The following VIP variants were observed in gnomAD, a reference collection of about 807,000 sequenced individuals.
The protein encoded by VIP is vasoactive intestinal peptide.
Under a neutral mutation model 20.1 loss-of-function variants are expected in VIP, and 18 were observed. The observed-to-expected ratio is 0.90, with a 90% CI of 0.62 to 1.33. The LOEUF is 1.33. VIP is among the 40% of genes most tolerant of loss of function. The pLI is 0.00. For missense variants in VIP, 209 were observed against 199.4 expected, an observed-to-expected ratio of 1.05 and a Z score of -0.29; for synonymous variants, 70 against 68.1, an observed-to-expected ratio of 1.03 and a Z score of -0.14.
intron 5 of VIP, 124 bp from the exon 6 acceptor site, chr6:152,756,972 T>C (rs2099730518): frequency 7.6e-6 from 6 of 789,974 alleles, no homozygotes; most frequent in South Asian, 2.2e-5. Flanking sequence ...TCAAAGATAA[T>C]TGTTTAGCCT....
chr6:152,759,688 G>T lies in VIP; in HGVS notation c.*822G>T, dbSNP rs1318898735. 1 of 151,870 alleles carries T rather than the reference G, an allele frequency of 6.6e-6. No homozygotes were observed. Among genetic ancestry groups the T allele is most frequent in the Non-Finnish European group, 1.5e-5 (1 of 67,936 alleles). 9.4% of individuals were successfully genotyped at this position (151,870 alleles called of 1,614,324 possible). A position where few individuals can be genotyped will look rare whatever the true frequency, so the allele number is the denominator to read the frequency against. ...GCTTCCTTCTGTGAAAGTACATTTG[G>T]AGACACAACTATTTTTCCAAAATAA... is the stretch of plus-strand genomic sequence containing the variant. On this transcript the variant is annotated 3_prime_UTR_variant, in exon 7 of 7. Coordinates refer to ENST00000367244, the MANE Select transcript of VIP (RefSeq NM_003381.4).
intron 5 of VIP, 104 bp downstream of exon 5, chr6:152,756,369 T>C: frequency 2.3e-6 from 3 of 1,298,516 alleles, no homozygotes; most frequent in Non-Finnish European, 2.1e-6. Context: ...CTATACTACG[T>C]GAAGCAGTGA....
chr6:152,751,996 AG>A (rs1565404130), intron 1 of VIP, among the ~76,000 whole-genome samples, 171 bp from the exon 2 acceptor site: 1 of 152,214 alleles, frequency 6.6e-6, no homozygotes, highest in Non-Finnish European at 1.5e-5. Flanking sequence ...CCTGTCACTG[AG>A]AGAAATACTG....
In VIP at chr6:152,754,178, A is replaced by G. The variant is rs1304468372; in HGVS notation, c.120A>G (p.Arg40=). The G allele has an allele frequency of 3.7e-6, 6 of 1,610,374 alleles. No individual in the cohort carries two copies. The Admixed American group carries it at 6.7e-5, about 18-fold the overall frequency. ...CTTTCCCCATCAGGTTGGGTGACAG[A>G]ATACCCTTTGAGGGAGCAAATGAAC... ...RAPSALRLGD[R]IPFEGANEPD... The change falls in exon 3 of 7, where the codon AGA becomes AGG. Residue 40 remains arginine (R), a synonymous_variant. Transcript: ENST00000367244.
chr6:152,759,152 A>AT lies in VIP; in HGVS notation c.*286_*287insT, dbSNP rs1399259946. ...TGCTGTATATCCTTTCTAACAAAAA[A>AT]ATATATTTAATGATAAGTAAATGCT... is the stretch of plus-strand genomic sequence containing the variant. On this transcript the variant is annotated 3_prime_UTR_variant, in exon 7 of 7. Transcript: ENST00000367244. The AT allele has an allele frequency of 6.6e-6, 1 of 152,280 alleles. No individual in the cohort carries two copies. Among genetic ancestry groups the AT allele is most frequent in the African/African-American group, 2.4e-5 (1 of 41,418 alleles). 9.4% of individuals were successfully genotyped at this position (152,280 alleles called of 1,614,324 possible).
rs190006031 is a variant in VIP, at chr6:152,752,250, G to T, written c.73G>T (p.Ala25Ser). ...LLSVLFSQTS[A>S]WPLYRAPSAL... ...CAGTGTGCTCTTCTCACAGACTTCG[G>T]CATGGCCTCTTTACAGGGCACCTTC... The change falls in exon 2 of 7, where the codon GCA (alanine) becomes TCA (serine). Residue 25 changes from alanine to serine, a missense_variant. Coordinates refer to ENST00000367244, the MANE Select transcript of VIP (RefSeq NM_003381.4). The T allele has an allele frequency of 6.2e-7, 1 of 1,613,434 alleles. No homozygotes were observed. The highest frequency in any genetic ancestry group is 2.2e-5 in the East Asian group (1 of 44,858).
intron 4 of VIP, 149 bp from the exon 5 acceptor site, chr6:152,755,985 T>G: frequency 1.3e-6 from 1 of 798,796 alleles, no homozygotes; most frequent in Non-Finnish European, 1.8e-6. Context: ...CATCCTTAGG[T>G]TTAGTTGTAT....
chr6:152,756,332 G>A (rs2099730423), intron 5 of VIP, 67 bp downstream of exon 5: 1 of 1,531,410 alleles, frequency 6.5e-7, no homozygotes, highest in Admixed American at 1.9e-5. Flanking sequence ...AGCTGCACAT[G>A]GAGACCTCTC....
chr6:152,751,560 T>C (rs2099729644), intron 1 of VIP, among the ~76,000 whole-genome samples: 1 of 152,166 alleles, frequency 6.6e-6, no homozygotes, highest in Non-Finnish European at 1.5e-5. Context: ...TCAGTAATAT[T>C]TTGAGTATTA....
Position 152,752,271 on chromosome 6 carries a change from C to T in VIP, c.94C>T (p.Pro32Ser). 1 of 1,612,880 alleles carries T rather than the reference C, an allele frequency of 6.2e-7. No homozygotes were observed. The highest frequency in any genetic ancestry group is 8.5e-7 in the Non-Finnish European group (1 of 1,179,464). ...TTCGGCATGGCCTCTTTACAGGGCA[C>T]CTTCTGCTCTCAGGTAAGTTCCCTT... ...QTSAWPLYRA[P>S]SALRLGDRIP... Residue 32 changes from proline to serine, a missense_variant, in exon 2 of 7, where the codon CCT becomes TCT. Coordinates refer to ENST00000367244, the MANE Select transcript of VIP (RefSeq NM_003381.4).
chr6:152,755,274 C>T lies in VIP; in HGVS notation c.236C>T (p.Ala79Val). The T allele has an allele frequency of 1.3e-6, 2 of 1,559,150 alleles. No individual in the cohort carries two copies. The highest frequency in any genetic ancestry group is 1.3e-5 in the South Asian group (1 of 79,678). Residue 79 changes from alanine to valine, a missense_variant, in exon 4 of 7, where the codon GCC (alanine) becomes GTC (valine). Physicochemically the swap from Ala to Val is moderately conservative, Grantham distance 64. Coordinates refer to ENST00000367244, the MANE Select transcript of VIP (RefSeq NM_003381.4). Reference protein sequence around the residue: ...DTPYYDVSRNARHADGVFTSD... With the variant: ...DTPYYDVSRNVRHADGVFTSD... Reference sequence around the variant, plus strand: ...TTTTTTCTTCCTTGTTTTAGAAATGCCAGGCATGCTGATGGAGTTTTCACC... The same window carrying T: ...TTTTTTCTTCCTTGTTTTAGAAATGTCAGGCATGCTGATGGAGTTTTCACC...
chr6:152,756,684 C>A (rs760994801), intron 5 of VIP, among the ~76,000 whole-genome samples: 1 of 151,900 alleles, frequency 6.6e-6, no homozygotes, highest in African/African-American at 2.4e-5. Flanking sequence ...ATATTCACTA[C>A]TGTTATTTAA....
chr6:152,756,066 C>T, intron 4 of VIP, 68 bp from the exon 5 acceptor site: 1 of 1,390,296 alleles, frequency 7.2e-7, no homozygotes, highest in Non-Finnish European at 9.4e-7. Context: ...TCCAAGAAAC[C>T]TGGAACATGT....
chr6:152,751,141 T>C (rs999484637), intron 1 of VIP, among the ~76,000 whole-genome samples, 182 bp downstream of exon 1: 1 of 152,184 alleles, frequency 6.6e-6, no homozygotes, highest in Non-Finnish European at 1.5e-5. Context: ...CTCATATGGA[T>C]AGATTTTCTG....
In VIP at chr6:152,755,819, T is replaced by A. The variant is rs537888991; in HGVS notation, c.336-315T>A. Among the ~76,000 whole-genome samples the A allele has an allele frequency of 1.6e-3, 236 of 151,330 alleles. 3 individuals carry two copies. The South Asian group carries it at 0.027, about 18-fold the overall frequency. ...TTCTAAAGAAGTAATTATGTTTTTT[T>A]TAAAAAAAAAAAAAATTTCTCCCAA... On this transcript the variant is annotated intron_variant, in intron 4 of 6. Transcript: ENST00000367244.
chr6:152,754,140 T>C, intron 2 of VIP, 26 bp from the exon 3 acceptor site: 1 of 1,602,974 alleles, frequency 6.2e-7, no homozygotes, highest in Admixed American at 1.7e-5. Context: ...AAGAATGTAT[T>C]ATTCTCGTGT....
intron 3 of VIP, among the ~76,000 whole-genome samples, chr6:152,755,014 A>G (rs1256703509): frequency 6.6e-6 from 1 of 151,954 alleles, no homozygotes; most frequent in Admixed American, 6.6e-5. Context: ...CCATGGAGGA[A>G]TATTGAAATG....
In VIP at chr6:152,752,239, C is replaced by A; in HGVS notation, c.62C>A (p.Ser21Ter). 1 of 1,613,592 alleles carries A rather than the reference C, an allele frequency of 6.2e-7. No individual in the cohort carries two copies. Among genetic ancestry groups the A allele is most frequent in the Non-Finnish European group, 8.5e-7 (1 of 1,179,678 alleles). Reference protein sequence around the residue: ...VLLTLLSVLFSQTSAWPLYRA... With the variant: ...VLLTLLSVLF ...CTGACTCTTCTCAGTGTGCTCTTCTCACAGACTTCGGCATGGCCTCTTTAC... is the reference window on the plus strand; with the variant it reads ...CTGACTCTTCTCAGTGTGCTCTTCTAACAGACTTCGGCATGGCCTCTTTAC... The change falls in exon 2 of 7, where the codon TCA (serine) becomes TAA (stop). Residue 21 changes from serine to a stop codon, truncating the protein, a stop_gained. Coordinates refer to ENST00000367244, the MANE Select transcript of VIP (RefSeq NM_003381.4). LOFTEE classifies it high-confidence loss of function.
chr6:152,753,248 T>A (rs2099729923), intron 2 of VIP, among the ~76,000 whole-genome samples: 1 of 152,100 alleles, frequency 6.6e-6, no homozygotes, highest in African/African-American at 2.4e-5. Flanking sequence ...AATGTGGACA[T>A]TTGTGTTGAT....
Sources: gnomAD v4.1 joint callset for allele counts (sites outside exome capture counted in the v4.1 genomes callset) on GRCh38, gnomAD v4.1.1 for gene constraint, MANE v1.5 for transcripts, NCBI Gene and HGNC (gene_info 2026-07-23, HGNC 2026-07-21) for gene names.